The following PCDHA12 variants were observed in gnomAD, a reference collection of about 807,000 sequenced individuals.
PCDHA12 encodes the protein protocadherin alpha-12.
A neutral mutation model predicts 60.0 loss-of-function variants in PCDHA12; 44 were observed. The ratio of observed to expected loss-of-function variants is 0.73; its 90% confidence interval spans 0.58 to 0.94. The LOEUF (loss-of-function observed/expected upper bound fraction) is 0.94, where lower values mean the gene tolerates loss of function less well. PCDHA12 is among the 40% of genes least tolerant of loss of function. The pLI, the probability that PCDHA12 is intolerant of heterozygous loss-of-function variation, is 0.00. For missense variants in PCDHA12, 1,276 were observed against 1,239.7 expected, an observed-to-expected ratio of 1.03 and a Z score of -0.44; for synonymous variants, 569 against 553.0, an observed-to-expected ratio of 1.03 and a Z score of -0.40.
intron 1 of PCDHA12, among the ~76,000 whole-genome samples, chr5:140,897,136 A>G (rs1206983852): frequency 6.6e-6 from 1 of 152,096 alleles, no homozygotes; most frequent in Admixed American, 6.5e-5. Context: ...TAAACTTTCT[A>G]GCCTTTGTTA....
At chr5:140,913,318 T>C (rs953831117) in intron 1 of PCDHA12, among the ~76,000 whole-genome samples, 1 of 152,188 alleles carries the variant, frequency 6.6e-6, no homozygotes, top group African/African-American at 2.4e-5. Flanking sequence ...CTTGGTAAGT[T>C]GTATGTGTCT....
intron 1 of PCDHA12, among the ~76,000 whole-genome samples, chr5:140,919,795 A>T (rs1554199259): frequency 6.6e-6 from 1 of 152,070 alleles, no homozygotes; most frequent in Non-Finnish European, 1.5e-5. Flanking sequence ...CTTGTGGTGG[A>T]TTGAATTGTG....
chr5:140,927,564 G>A (rs868927450), intron 1 of PCDHA12: 1 of 1,614,150 alleles, frequency 6.2e-7, no homozygotes, highest in South Asian at 1.1e-5. Context: ...TCATTGTGGT[G>A]GACACAAATG....
intron 1 of PCDHA12, chr5:140,928,138 A>G (rs1554205540): frequency 1.9e-6 from 3 of 1,614,190 alleles, no homozygotes; most frequent in South Asian, 1.1e-5. Context: ...AGTCCTGATC[A>G]CGGCCTCAGA....
intron 1 of PCDHA12, among the ~76,000 whole-genome samples, chr5:140,897,315 T>C (rs980857290): frequency 6.8e-6 from 1 of 147,686 alleles, no homozygotes; most frequent in Non-Finnish European, 1.5e-5. Context: ...GTATATCTCC[T>C]AAAGCTATCC....
chr5:140,916,469 T>C (rs1051023499), intron 1 of PCDHA12, among the ~76,000 whole-genome samples: 2 of 152,194 alleles, frequency 1.3e-5, no homozygotes, highest in African/African-American at 4.8e-5. Flanking sequence ...TGCTGGTTAT[T>C]TGGTGCCCAA....
intron 1 of PCDHA12, chr5:140,969,237 C>T (rs1278018540): frequency 6.2e-7 from 1 of 1,614,156 alleles, no homozygotes; most frequent in African/African-American, 1.3e-5. Flanking sequence ...GGAGCCCAAG[C>T]AGCAGTGACT....
chr5:140,998,743 T>A (rs2097832293), intron 3 of PCDHA12, among the ~76,000 whole-genome samples: 1 of 152,138 alleles, frequency 6.6e-6, no homozygotes, highest in Non-Finnish European at 1.5e-5. Flanking sequence ...TTTGTATTTT[T>A]AGAAGAGACA....
chr5:140,955,585 T>G (rs1438222402), intron 1 of PCDHA12, among the ~76,000 whole-genome samples: 1 of 152,198 alleles, frequency 6.6e-6, no homozygotes, highest in African/African-American at 2.4e-5. Context: ...CAATTAAACC[T>G]CTTTCTTTTA....
At position 140,924,017 on chromosome 5, in the gene PCDHA12, T is replaced by C. The variant is rs2081624736; in HGVS notation, c.2367+46178T>C. Among the ~76,000 whole-genome samples, 3 of 152,218 alleles carry C rather than the reference T, an allele frequency of 2.0e-5. No individual in the cohort carries two copies. In the South Asian group the frequency reaches 6.2e-4, roughly 32 times the overall value. On this transcript the variant is annotated intron_variant, in intron 1 of 3. Transcript: ENST00000398631. ...CTCAGAATTCCTAAACCTGGTATAA[T>C]TGGAGGCATGGCTGCAGACCTAAAA...
At chr5:140,928,752 T>C (rs781823494) in intron 1 of PCDHA12, 3 of 1,614,208 alleles carry the variant, frequency 1.9e-6, no homozygotes, top group Non-Finnish European at 2.5e-6. Context: ...AGCTCCGTAC[T>C]GCTCGCTTAG....
chr5:140,949,639 T>C (rs1563239072), intron 1 of PCDHA12, among the ~76,000 whole-genome samples: 1 of 152,036 alleles, frequency 6.6e-6, no homozygotes, highest in East Asian at 1.9e-4. Flanking sequence ...ATATTGCTTT[T>C]TGTTCATTTT....
In PCDHA12 at chr5:140,884,064, C is replaced by A. The variant is rs150717183; in HGVS notation, c.2367+6225C>A. On this transcript the variant is annotated intron_variant, in intron 1 of 3. Transcript: ENST00000398631. ...GTGGCGAAGGTGCGCGCGGTGGACGCCGATTCGGGCTACAATGCGTGGCTT... is the reference window on the plus strand; with the variant it reads ...GTGGCGAAGGTGCGCGCGGTGGACGACGATTCGGGCTACAATGCGTGGCTT... 2.3e-3 allele frequency: 3,707 copies of A among 1,613,502 alleles called. 15 individuals carry two copies. Among genetic ancestry groups the A allele is most frequent in the Middle Eastern group, 9.0e-3 (54 of 5,970 alleles).
chr5:140,966,926 C>T (rs782811757), intron 1 of PCDHA12: 22 of 1,603,344 alleles, frequency 1.4e-5, no homozygotes, highest in Middle Eastern at 1.6e-4. Context: ...GGAGCAGGCA[C>T]CCGGCGCGCT....
At chr5:140,967,489 A>G in intron 1 of PCDHA12, 4 of 1,613,456 alleles carry the variant, frequency 2.5e-6, no homozygotes, top group Non-Finnish European at 3.4e-6. Flanking sequence ...CGGGTACGGC[A>G]CAGATCTCTG....
chr5:140,906,665 AC>A (rs558667206), intron 1 of PCDHA12, among the ~76,000 whole-genome samples: 132 of 152,200 alleles, frequency 8.7e-4, no homozygotes, highest in African/African-American at 3.2e-3. Context: ...TGGTGTAGTG[AC>A]CCAAACCTTC....
At position 140,877,525 on chromosome 5, in the gene PCDHA12, G is replaced by A. The variant is rs1562735759; in HGVS notation, c.2053G>A (p.Gly685Ser). The A allele has an allele frequency of 4.3e-6, 7 of 1,613,804 alleles. No individual in the cohort carries two copies. The highest frequency in any genetic ancestry group is 5.9e-6 in the Non-Finnish European group (7 of 1,179,892). The part of the protein sequence containing the change: ...APKTSSRASV[G>S]AVDPEAALVD... ...AAAGACGTCGTCGCGGGCCTCAGTG[G>A]GCGCTGTGGATCCCGAAGCGGCTCT... Residue 685 changes from glycine (G) to serine (S), a missense_variant, in exon 1 of 4, where the codon GGC becomes AGC. Coordinates refer to ENST00000398631, the MANE Select transcript of PCDHA12 (RefSeq NM_018903.4).
At chr5:140,991,847 G>A (rs1375292594) in intron 3 of PCDHA12, among the ~76,000 whole-genome samples, 1 of 152,162 alleles carries the variant, frequency 6.6e-6, no homozygotes, top group African/African-American at 2.4e-5. Flanking sequence ...CGCACTTCCA[G>A]ATACCAAAAT....
intron 1 of PCDHA12, among the ~76,000 whole-genome samples, chr5:140,898,264 C>T (rs1360270871): frequency 6.6e-6 from 1 of 152,166 alleles, no homozygotes; most frequent in Non-Finnish European, 1.5e-5. Context: ...AGTCCTTGCC[C>T]ATGCCTAAGT....
Sources: allele counts gnomAD v4.1 joint callset (sites outside exome capture counted in the v4.1 genomes callset), GRCh38; gene constraint gnomAD v4.1.1; transcripts MANE v1.5; gene names NCBI Gene and HGNC (gene_info 2026-07-23, HGNC 2026-07-21).